NCKAP5: variants seen among roughly 807,000 people sequenced by gnomAD.
NCKAP5 encodes nck-associated protein 5.
In NCKAP5, 92 loss-of-function variants were observed where a neutral mutation model predicts 167.0. That is an observed-to-expected ratio of 0.55 (90% confidence interval 0.47 to 0.66). NCKAP5 has a LOEUF of 0.66. Among genes scored for constraint, NCKAP5 ranks in the 30% least tolerant of loss-of-function variants. NCKAP5 has a pLI of 0.00. For missense variants in NCKAP5, 2,378 were observed against 2,315.0 expected (o/e 1.03, Z -0.56); for synonymous variants, 891 against 877.4 (o/e 1.02, Z -0.27).
At chr2:133,078,419 T>C (rs1170211289) in intron 6 of NCKAP5, among the ~76,000 whole-genome samples, 1 of 152,090 alleles carries the variant, frequency 6.6e-6, no homozygotes, top group Non-Finnish European at 1.5e-5. Flanking sequence ...AGATTTTTAA[T>C]GTTTTGGTAG....
chr2:132,912,456 C>A (rs1694532467), intron 8 of NCKAP5, among the ~76,000 whole-genome samples: 1 of 152,294 alleles, frequency 6.6e-6, no homozygotes, highest in East Asian at 1.9e-4. Flanking sequence ...CTTTTCAGAG[C>A]CCGTCCATGA....
At chr2:132,874,499 T>C (rs2148791146) in intron 9 of NCKAP5, among the ~76,000 whole-genome samples, 1 of 152,322 alleles carries the variant, frequency 6.6e-6, no homozygotes, top group South Asian at 2.1e-4. Flanking sequence ...GCTAGGCATG[T>C]AGCATGTGGA....
chr2:132,824,779 GCTGGCCTAGTGA>G (rs1687007127), intron 11 of NCKAP5, among the ~76,000 whole-genome samples: 1 of 152,160 alleles, frequency 6.6e-6, no homozygotes, highest in African/African-American at 2.4e-5. Flanking sequence ...CTTTCATCTT[GCTGGCCTAGTGA>G]CTGGCAATGT....
intron 8 of NCKAP5, among the ~76,000 whole-genome samples, chr2:132,938,962 G>T (rs1697061925): frequency 6.6e-6 from 1 of 151,984 alleles, no homozygotes; most frequent in Admixed American, 6.6e-5. Flanking sequence ...ATTTTTTAGA[G>T]GTTTTCAATT....
rs879742070 is a variant in NCKAP5, at chr2:133,548,466, G to C, written c.-62+10584C>G. 4.2e-3 allele frequency among the ~76,000 whole-genome samples: 638 copies of C among 151,002 alleles called. 1 individual carries two copies. Among genetic ancestry groups the C allele is most frequent in the Admixed American group, 6.8e-3 (103 of 15,220 alleles). On this transcript the variant is annotated intron_variant, in intron 2 of 19. Transcript: ENST00000409261. ...TTGAAATGAAGGAAAAAATGTTAAG[G>C]GCAGCCAGAGAGAAAGGTCGGGTTA...
In NCKAP5 at chr2:133,517,077, C is replaced by A. The variant is rs532173545; in HGVS notation, c.69+381G>T. On this transcript the variant is annotated intron_variant, in intron 3 of 19. Transcript: ENST00000409261. Reference sequence around the variant, plus strand: ...TTCCTCTGCTCTTCAATATTTGAACCTGTATTGAATTCTTGTTCAACTTAC... The same window carrying A: ...TTCCTCTGCTCTTCAATATTTGAACATGTATTGAATTCTTGTTCAACTTAC... Among the ~76,000 whole-genome samples the A allele has an allele frequency of 4.6e-5, 7 of 152,322 alleles. No homozygotes were observed. The East Asian group carries it at 1.2e-3, about 25-fold the overall frequency.
chr2:133,353,037 G>T (rs1392055793), intron 3 of NCKAP5, among the ~76,000 whole-genome samples: 1 of 152,200 alleles, frequency 6.6e-6, no homozygotes, highest in Non-Finnish European at 1.5e-5. Context: ...GTCTTGGGTG[G>T]ACAGGACTTG....
At chr2:133,159,605 T>C (rs1322332679) in intron 5 of NCKAP5, among the ~76,000 whole-genome samples, 4 of 152,106 alleles carry the variant, frequency 2.6e-5, no homozygotes, top group African/African-American at 7.2e-5. Flanking sequence ...ATATGCAGGG[T>C]TGGTGAGAAC....
intron 9 of NCKAP5, among the ~76,000 whole-genome samples, chr2:132,875,021 A>C (rs1238304432): frequency 2.0e-5 from 3 of 152,094 alleles, no homozygotes; most frequent in East Asian, 3.9e-4. Context: ...CTGTATCTAA[A>C]CTTGGTGGAG....
At chr2:132,949,003 TGAAAAGAAAAGAAAA>T (rs11275092) in intron 8 of NCKAP5, among the ~76,000 whole-genome samples, 4,807 of 130,290 alleles carry the variant, frequency 0.037, 248 homozygotes, top group East Asian at 0.17. Context: ...TCCAGAGAAA[TGAAAAGAAAAGAAAA>T]GAAAAGAAAA....
chr2:132,947,746 C>G (rs1697866624), intron 8 of NCKAP5, among the ~76,000 whole-genome samples: 1 of 152,124 alleles, frequency 6.6e-6, no homozygotes, highest in Non-Finnish European at 1.5e-5. Flanking sequence ...TCTTTTAAAG[C>G]TTAATTCCCA....
the NCKAP5 span, among the ~76,000 whole-genome samples, chr2:133,597,626 G>A: frequency 1.3e-3 from 163 of 129,568 alleles, no homozygotes; most frequent in Non-Finnish European, 1.8e-3. Context: ...CCAAGATCGC[G>A]CCTCCAAGAT....
At chr2:132,946,130 T>C (rs1282237586) in intron 8 of NCKAP5, among the ~76,000 whole-genome samples, 1 of 152,204 alleles carries the variant, frequency 6.6e-6, no homozygotes. Flanking sequence ...TTATAGATGA[T>C]GTCAGAATCA....
chr2:133,612,048 T>C, the NCKAP5 span, among the ~76,000 whole-genome samples: 2 of 152,184 alleles, frequency 1.3e-5, no homozygotes, highest in Non-Finnish European at 2.9e-5. Flanking sequence ...TGAAAGAGTA[T>C]AGTTGCTTTT....
chr2:133,123,607 A>G (rs1158376459), intron 6 of NCKAP5: 1 of 289,296 alleles, frequency 3.5e-6, no homozygotes, highest in African/African-American at 2.2e-5. Context: ...TAGCAATTCC[A>G]AATCAACAGA....
intron 6 of NCKAP5, among the ~76,000 whole-genome samples, chr2:133,085,502 G>T (rs2080957676): frequency 6.6e-6 from 1 of 152,034 alleles, no homozygotes; most frequent in Non-Finnish European, 1.5e-5. Context: ...CTTATTTCTG[G>T]GTAATGGGAT....
chr2:133,448,335 C>T (rs1479740105), intron 3 of NCKAP5, among the ~76,000 whole-genome samples: 1 of 151,804 alleles, frequency 6.6e-6, no homozygotes, highest in Non-Finnish European at 1.5e-5. Context: ...ACCTTTGAAT[C>T]ATTCTGTAGC....
At chr2:133,061,432 G>T (rs557650448) in intron 6 of NCKAP5, among the ~76,000 whole-genome samples, 73 of 152,270 alleles carry the variant, frequency 4.8e-4, no homozygotes, top group African/African-American at 1.7e-3. Context: ...TTTCACCTGG[G>T]TGATGAAATA....
intron 6 of NCKAP5, among the ~76,000 whole-genome samples, chr2:133,072,311 C>A (rs192996543): frequency 6.6e-6 from 1 of 152,188 alleles, no homozygotes; most frequent in African/African-American, 2.4e-5. Flanking sequence ...GTCTTGAACT[C>A]CAGGCTCTTC....
Sources: allele counts gnomAD v4.1 joint callset (sites outside exome capture counted in the v4.1 genomes callset), GRCh38; gene constraint gnomAD v4.1.1; transcripts MANE v1.5; gene names NCBI Gene and HGNC (gene_info 2026-07-23, HGNC 2026-07-21).